Variants in NCOA1 observed in about 807,000 individuals in gnomAD.
The protein encoded by NCOA1 is Hin-2 protein.
NCOA1 carries 35 observed loss-of-function variants against 150.9 expected under a neutral mutation model. The observed-to-expected ratio is 0.23, with a 90% CI of 0.18 to 0.31. The LOEUF is 0.31. Among genes scored for constraint, NCOA1 ranks in the 10% least tolerant of loss-of-function variants. The pLI is 1.00. For missense variants in NCOA1, 1,491 were observed against 1,749.3 expected (o/e 0.85, Z 2.63); for synonymous variants, 590 against 630.0 (o/e 0.94, Z 0.95).
intron 19 of NCOA1, among the ~76,000 whole-genome samples, chr2:24,748,307 G>A (rs6710503): frequency 0.24 from 36,414 of 151,458 alleles, 4,473 homozygotes; most frequent in Non-Finnish European, 0.25. Context: ...AATTTAAAAC[G>A]GTTTTAAAAT....
chr2:24,707,494 C>T lies in NCOA1; in HGVS notation c.2024C>T (p.Ser675Phe). The change falls in exon 13 of 23, where the codon TCT becomes TTT. Residue 675 changes from serine (S) to phenylalanine (F), a missense_variant. By Grantham distance (155) the Ser-to-Phe change is radical (BLOSUM62 -2). Around this residue, in one of 8 missense-constraint regions of NCOA1, gnomAD observed 703 missense variants for 717.7 expected, o/e 0.98. Transcript: ENST00000348332. The part of the protein sequence containing the change: ...NSASANSSGG[S>F]CPSSHSSLTE... ...GCCTCTGCTAACTCTTCAGGAGGTT[C>T]TTGTCCCTCTTCTCATAGCTCATTG... 6.2e-7 allele frequency: 1 copy of T among 1,614,216 alleles called. No homozygotes were observed. The highest frequency in any genetic ancestry group is 8.5e-7 in the Non-Finnish European group (1 of 1,180,032).
At chr2:24,518,332 T>C (rs1182068106) in intron 1 of NCOA1, among the ~76,000 whole-genome samples, 1 of 152,124 alleles carries the variant, frequency 6.6e-6, no homozygotes, top group Non-Finnish European at 1.5e-5. Context: ...AAAGAGGGCT[T>C]CCTTAACCTG....
At chr2:24,647,087 T>A (rs1287086839) in intron 4 of NCOA1, among the ~76,000 whole-genome samples, 2 of 152,176 alleles carry the variant, frequency 1.3e-5, no homozygotes, top group African/African-American at 4.8e-5. Flanking sequence ...GAAAAGATTC[T>A]TTGTTTATAT....
At chr2:24,740,428 A>C (rs1572667435) in intron 18 of NCOA1, among the ~76,000 whole-genome samples, 1 of 152,192 alleles carries the variant, frequency 6.6e-6, no homozygotes, top group Admixed American at 6.5e-5. Flanking sequence ...CCTGTACTGC[A>C]TGTTACTCTA....
At chr2:24,628,293 T>A (rs192281800) in intron 3 of NCOA1, among the ~76,000 whole-genome samples, 1 of 116,932 alleles carries the variant, frequency 8.6e-6, no homozygotes, top group African/African-American at 2.8e-5. Context: ...AAAGCGAAAC[T>A]CCATCTCAGA....
intron 1 of NCOA1, among the ~76,000 whole-genome samples, chr2:24,510,137 C>A (rs1250165484): frequency 2.0e-5 from 3 of 152,184 alleles, no homozygotes; most frequent in African/African-American, 7.2e-5. Context: ...GCAACCTACG[C>A]CACCCGGGTT....
intron 1 of NCOA1, among the ~76,000 whole-genome samples, chr2:24,539,418 T>G (rs986116507): frequency 6.6e-6 from 1 of 152,150 alleles, no homozygotes; most frequent in Admixed American, 6.5e-5. Context: ...ACTGAATACT[T>G]AGGTGTGGCT....
At chr2:24,681,939 C>T (rs1228335312) in intron 7 of NCOA1, among the ~76,000 whole-genome samples, 3 of 152,178 alleles carry the variant, frequency 2.0e-5, no homozygotes, top group Non-Finnish European at 2.9e-5. Context: ...TGGTCTCCAT[C>T]TCTTGACCTC....
chr2:24,587,013 A>G (rs1163198429), intron 3 of NCOA1, among the ~76,000 whole-genome samples: 1 of 151,986 alleles, frequency 6.6e-6, no homozygotes, highest in Non-Finnish European at 1.5e-5. Flanking sequence ...TCAGGACAGA[A>G]GGACAGGTTT....
At chr2:24,574,597 C>G (rs565374706) in intron 2 of NCOA1, among the ~76,000 whole-genome samples, 7 of 152,048 alleles carry the variant, frequency 4.6e-5, no homozygotes, top group Non-Finnish European at 7.4e-5. Flanking sequence ...AACGTATTTA[C>G]CATTGCTGGC....
chr2:24,717,487 A>G (rs1056206688), intron 14 of NCOA1, among the ~76,000 whole-genome samples: 8 of 152,216 alleles, frequency 5.3e-5, no homozygotes, highest in African/African-American at 1.9e-4. Context: ...GTTTGTTGTC[A>G]GTGGTTGCCA....
At position 24,752,056 on chromosome 2, in the gene NCOA1, C is replaced by G. The variant is rs1379259961; in HGVS notation, c.3781C>G (p.Pro1261Ala). 1 of 1,614,124 alleles carries G rather than the reference C, an allele frequency of 6.2e-7. No individual in the cohort carries two copies. Among genetic ancestry groups the G allele is most frequent in the Admixed American group, 1.7e-5 (1 of 60,010 alleles). Reference protein sequence around the residue: ...PGSSMVPMPIPPPQSSLLQQT... With the variant: ...PGSSMVPMPIAPPQSSLLQQT... ...GAGCTCCATGGTGCCGATGCCAATC[C>G]CTCCTCCTCAGAGTTCTCTTCTCCA... Residue 1261 changes from proline (P) to alanine (A), a missense_variant, in exon 20 of 23, where the codon CCT becomes GCT. Around this residue, in one of 8 missense-constraint regions of NCOA1, gnomAD observed 485 missense variants for 522.8 expected, o/e 0.93. Coordinates refer to ENST00000348332, the MANE Select transcript of NCOA1 (RefSeq NM_003743.5).
intron 1 of NCOA1, chr2:24,556,204 G>A (rs145931761): frequency 6.6e-6 from 1 of 152,224 alleles, no homozygotes; most frequent in Non-Finnish European, 1.5e-5. Flanking sequence ...ATGTCCATGT[G>A]TTCTCATATG....
chr2:24,652,919 G>A (rs918424541), intron 4 of NCOA1, among the ~76,000 whole-genome samples: 3 of 152,136 alleles, frequency 2.0e-5, no homozygotes, highest in South Asian at 2.1e-4. Flanking sequence ...AACTGTAATA[G>A]TTTTTCCTCA....
chr2:24,718,595 G>C (rs1458865262), intron 14 of NCOA1, among the ~76,000 whole-genome samples: 1 of 151,984 alleles, frequency 6.6e-6, no homozygotes, highest in Admixed American at 6.6e-5. Flanking sequence ...ATTTTGGGAG[G>C]CTGAGGCAGG....
chr2:24,733,268 C>A (rs1478860760), intron 17 of NCOA1, among the ~76,000 whole-genome samples: 1 of 152,070 alleles, frequency 6.6e-6, no homozygotes, highest in Non-Finnish European at 1.5e-5. Flanking sequence ...TTTCTCCTGC[C>A]TTAAATCCTA....
chr2:24,550,627 G>A (rs1171399306), intron 1 of NCOA1, among the ~76,000 whole-genome samples: 1 of 152,282 alleles, frequency 6.6e-6, no homozygotes. Flanking sequence ...GATTTGGGTG[G>A]GGACACAGCC....
At chr2:24,547,281 G>A (rs993311028) in intron 1 of NCOA1, among the ~76,000 whole-genome samples, 57 of 152,262 alleles carry the variant, frequency 3.7e-4, no homozygotes, top group African/African-American at 1.3e-3. Flanking sequence ...TAATAGAAGA[G>A]ATTTTGGGAT....
At chr2:24,725,289 T>A (rs746080309) in intron 14 of NCOA1, among the ~76,000 whole-genome samples, 18 of 152,182 alleles carry the variant, frequency 1.2e-4, no homozygotes, top group African/African-American at 3.9e-4. Context: ...TACCACTGAC[T>A]AGGTGGCTTA....
Sources: allele counts gnomAD v4.1 joint callset (sites outside exome capture counted in the v4.1 genomes callset), GRCh38; gene constraint gnomAD v4.1.1; regional missense constraint gnomAD v4.1.1; transcripts MANE v1.5; gene names NCBI Gene and HGNC (gene_info 2026-07-23, HGNC 2026-07-21).